AGAP1: variants seen among roughly 807,000 people sequenced by gnomAD.
AGAP1 encodes arf-GAP with GTPase, ANK repeat and PH domain-containing protein 1.
AGAP1 carries 29 observed loss-of-function variants against 105.3 expected under a neutral mutation model. The observed-to-expected ratio is 0.28, with a 90% CI of 0.21 to 0.38. The LOEUF (loss-of-function observed/expected upper bound fraction) is 0.38, where lower values mean the gene tolerates loss of function less well. Among genes scored for constraint, AGAP1 ranks in the 10% least tolerant of loss-of-function variants. The pLI, the probability that AGAP1 is intolerant of heterozygous loss-of-function variation, is 1.00. For missense variants in AGAP1, 998 were observed against 1,165.1 expected (o/e 0.86, Z 2.09); for synonymous variants, 509 against 485.9 (o/e 1.05, Z -0.63).
At chr2:235,767,859 A>T (rs1276080781) in intron 6 of AGAP1, among the ~76,000 whole-genome samples, 1 of 133,822 alleles carries the variant, frequency 7.5e-6, no homozygotes, top group African/African-American at 2.9e-5. Flanking sequence ...ATTTGGACTC[A>T]CTGCAACCTC....
At chr2:235,709,275 G>T in intron 2 of AGAP1, 38 bp downstream of exon 2, 1 of 1,605,348 alleles carries the variant, frequency 6.2e-7, no homozygotes. Context: ...CTGTGGGAAG[G>T]GAGGGGCTCT....
chr2:235,518,961 CTGTT>C (rs1942508960), intron 1 of AGAP1, among the ~76,000 whole-genome samples: 2 of 152,220 alleles, frequency 1.3e-5, no homozygotes, highest in South Asian at 2.1e-4. Flanking sequence ...TGGCTTCACA[CTGTT>C]TGGGAACAGC....
chr2:235,950,057 G>C (rs11902362), intron 12 of AGAP1, among the ~76,000 whole-genome samples: 2 of 152,008 alleles, frequency 1.3e-5, no homozygotes, highest in Non-Finnish European at 2.9e-5. Context: ...AGATGCTTGG[G>C]CACAGAGAGT....
intron 1 of AGAP1, among the ~76,000 whole-genome samples, chr2:235,565,699 C>T (rs1203173401): frequency 2.0e-5 from 3 of 152,174 alleles, no homozygotes; most frequent in African/African-American, 7.2e-5. Context: ...TCGGCTCTGT[C>T]ACCCGGGGTG....
chr2:235,799,298 C>T lies in AGAP1; in HGVS notation c.802-69C>T, dbSNP rs1056126796. 10 of 1,556,818 alleles carry T rather than the reference C, an allele frequency of 6.4e-6. No homozygotes were observed. The highest frequency in any genetic ancestry group is 8.7e-6 in the Non-Finnish European group (10 of 1,143,266). ...CTCATGCTCACTTGTTGGTTATGAC[C>T]TTGCCTAAGTGGAGGTCTTGGGTTC... On this transcript the variant is annotated intron_variant, in intron 7 of 17. Coordinates refer to ENST00000304032, the MANE Select transcript of AGAP1 (RefSeq NM_001037131.3). This position sits in a 1 kb window ranked among gnomAD's most constrained non-coding sequence, Gnocchi z 5.0.
chr2:235,804,805 C>T (rs987394188), intron 8 of AGAP1, among the ~76,000 whole-genome samples: 1 of 152,196 alleles, frequency 6.6e-6, no homozygotes, highest in Admixed American at 6.5e-5. Flanking sequence ...GTGTGATCTG[C>T]TGCTGTTCCA....
At chr2:235,890,942 C>CAAAAAAAAA (rs199864293) in intron 10 of AGAP1, among the ~76,000 whole-genome samples, 55 of 117,678 alleles carry the variant, frequency 4.7e-4, no homozygotes, top group South Asian at 2.8e-3. Flanking sequence ...AACTGAGGCT[C>CAAAAAAAAA]AAAAAAAAAA....
At position 235,517,071 on chromosome 2, in the gene AGAP1, C is replaced by T. The variant is rs527522217; in HGVS notation, c.163+22222C>T. Among the ~76,000 whole-genome samples the T allele has an allele frequency of 1.9e-4, 29 of 152,264 alleles. No individual in the cohort carries two copies. The East Asian group carries it at 3.1e-3, about 16-fold the overall frequency. On this transcript the variant is annotated intron_variant, in intron 1 of 17. Coordinates refer to ENST00000304032, the MANE Select transcript of AGAP1 (RefSeq NM_001037131.3). The surrounding 1 kb of genome is among the most constrained non-coding windows in gnomAD (Gnocchi z 4.1). Reference sequence around the variant, plus strand: ...AATACCACAGACTGGGAGGCCCAAACGTATTTTCTCACAGTTCTGGAGGTT... The same window carrying T: ...AATACCACAGACTGGGAGGCCCAAATGTATTTTCTCACAGTTCTGGAGGTT...
chr2:235,779,352 G>A (rs1420478949), intron 6 of AGAP1, among the ~76,000 whole-genome samples: 1 of 152,124 alleles, frequency 6.6e-6, no homozygotes, highest in Non-Finnish European at 1.5e-5. Context: ...TTTTTTTGAG[G>A]GGCCTCGGCC....
At chr2:235,568,964 C>A (rs1377121623) in intron 1 of AGAP1, among the ~76,000 whole-genome samples, 1 of 152,180 alleles carries the variant, frequency 6.6e-6, no homozygotes. Context: ...CTGGATAGTT[C>A]AAGACACCCT....
chr2:236,107,588 G>GC (rs1423726199), intron 16 of AGAP1, among the ~76,000 whole-genome samples: 2 of 152,196 alleles, frequency 1.3e-5, no homozygotes, highest in Non-Finnish European at 2.9e-5. Context: ...AGCCACGAGT[G>GC]CCCCAAGTCT....
In AGAP1 at chr2:236,040,437, A is replaced by C. The variant is rs1050985697; in HGVS notation, c.1801-314A>C. Among the ~76,000 whole-genome samples the C allele has an allele frequency of 1.3e-5, 2 of 152,068 alleles. No homozygotes were observed. The highest frequency in any genetic ancestry group is 4.8e-5 in the African/African-American group (2 of 41,394). On this transcript the variant is annotated intron_variant, in intron 14 of 17. Coordinates refer to ENST00000304032, the MANE Select transcript of AGAP1 (RefSeq NM_001037131.3). This position sits in a 1 kb window ranked among gnomAD's most constrained non-coding sequence, Gnocchi z 5.6. ...CTACTGCCCAGAAGGTTACCCATTT[A>C]CCTTCTCCAGGTTACCATGGTCCAT...
chr2:236,024,799 C>T (rs1166282654), intron 13 of AGAP1, among the ~76,000 whole-genome samples: 5 of 152,186 alleles, frequency 3.3e-5, no homozygotes, highest in African/African-American at 9.7e-5. Flanking sequence ...GTGTAATATC[C>T]GGTGTTATTA....
In AGAP1 at chr2:235,496,111, G is replaced by T. The variant is rs377587663; in HGVS notation, c.163+1262G>T. Among the ~76,000 whole-genome samples, 11 of 152,212 alleles carry T rather than the reference G, an allele frequency of 7.2e-5. No individual in the cohort carries two copies. In the East Asian group the frequency reaches 1.5e-3, roughly 21 times the overall value. On this transcript the variant is annotated intron_variant, in intron 1 of 17. Coordinates refer to ENST00000304032, the MANE Select transcript of AGAP1 (RefSeq NM_001037131.3). ...CTTTGGTTTGAAACTTGGCCAGTTA[G>T]GTGGAGAAAGTGGATGTTGTGTTGC...
intron 9 of AGAP1, among the ~76,000 whole-genome samples, chr2:235,832,803 C>T (rs1444235888): frequency 1.3e-5 from 2 of 152,204 alleles, no homozygotes; most frequent in Non-Finnish European, 2.9e-5. Flanking sequence ...GACTAGAAGG[C>T]AGGTGGGCAG....
Position 235,981,358 on chromosome 2 carries a change from G to C in AGAP1, c.1645+12735G>C, listed in dbSNP as rs981706660. On this transcript the variant is annotated intron_variant, in intron 13 of 17. Transcript: ENST00000304032. This position sits in a 1 kb window ranked among gnomAD's most constrained non-coding sequence, Gnocchi z 5.5. ...TAGGAATGATTTTCCCCTTCAGTTG[G>C]TTTTCTGCAGAAGCCATGATATACT... Among the ~76,000 whole-genome samples, 15 of 151,934 alleles carry C rather than the reference G, an allele frequency of 9.9e-5. No homozygotes were observed. The highest frequency in any genetic ancestry group is 3.6e-4 in the African/African-American group (15 of 41,348).
chr2:235,563,902 G>C (rs969512725), intron 1 of AGAP1, among the ~76,000 whole-genome samples: 9 of 152,132 alleles, frequency 5.9e-5, no homozygotes, highest in African/African-American at 1.9e-4. Flanking sequence ...AGCAGGTTAA[G>C]AAGCTTGCTC....
At chr2:235,907,287 A>G (rs1262597073) in intron 10 of AGAP1, among the ~76,000 whole-genome samples, 1 of 152,124 alleles carries the variant, frequency 6.6e-6, no homozygotes, top group Non-Finnish European at 1.5e-5. Context: ...TGCATCCAGC[A>G]TGTGAGTTTA....
At chr2:236,015,957 G>T (rs1056430243) in intron 13 of AGAP1, among the ~76,000 whole-genome samples, 1 of 151,988 alleles carries the variant, frequency 6.6e-6, no homozygotes, top group Admixed American at 6.6e-5. Flanking sequence ...AACCTTTGCC[G>T]ATTTATATCA....
Sources: allele counts gnomAD v4.1 joint callset (sites outside exome capture counted in the v4.1 genomes callset), GRCh38; gene constraint gnomAD v4.1.1; non-coding constraint Gnocchi (gnomAD v3.1); transcripts MANE v1.5; gene names NCBI Gene and HGNC (gene_info 2026-07-23, HGNC 2026-07-21).